ADK: variants seen among roughly 807,000 people sequenced by gnomAD.
The protein encoded by ADK is N6,N6-dimethyladenosine kinase.
ADK carries 24 observed loss-of-function variants against 44.7 expected under a neutral mutation model. The observed-to-expected ratio is 0.54, with a 90% CI of 0.39 to 0.76. The LOEUF (loss-of-function observed/expected upper bound fraction) is 0.76. Ranked by LOEUF, ADK falls within the 30% of genes least tolerant of loss-of-function variation. The pLI, the probability that ADK is intolerant of heterozygous loss-of-function variation, is 0.00. For missense variants in ADK, 321 were observed against 425.1 expected (o/e 0.76, Z 2.15); for synonymous variants, 128 against 142.6 (o/e 0.90, Z 0.73).
chr10:74,439,532 A>C (rs1845318539), intron 6 of ADK, among the ~76,000 whole-genome samples: 1 of 152,176 alleles, frequency 6.6e-6, no homozygotes, highest in African/African-American at 2.4e-5. Context: ...CATGATAAAG[A>C]GGCTTAGTTT....
intron 3 of ADK, among the ~76,000 whole-genome samples, chr10:74,300,550 T>G (rs1839994345): frequency 6.6e-6 from 1 of 152,028 alleles, no homozygotes. Flanking sequence ...CTAAGCTTTT[T>G]GTATTTTTAG....
At chr10:74,418,823 A>C (rs564176459) in intron 6 of ADK, among the ~76,000 whole-genome samples, 1 of 152,278 alleles carries the variant, frequency 6.6e-6, no homozygotes, top group African/African-American at 2.4e-5. Context: ...AACCTATTGT[A>C]GAACAATTTT....
At chr10:74,195,050 A>T (rs1159290978) in intron 1 of ADK, among the ~76,000 whole-genome samples, 1 of 150,932 alleles carries the variant, frequency 6.6e-6, no homozygotes, top group Admixed American at 6.7e-5. Flanking sequence ...GCAAGCCTAA[A>T]TTATGAGACA....
intron 3 of ADK, among the ~76,000 whole-genome samples, chr10:74,225,779 G>A (rs1196821783): frequency 6.6e-6 from 1 of 151,962 alleles, no homozygotes; most frequent in Admixed American, 6.6e-5. Context: ...TATATATATT[G>A]TCAAGAAATT....
intron 9 of ADK, among the ~76,000 whole-genome samples, chr10:74,657,367 G>T (rs932726787): frequency 2.0e-5 from 3 of 152,184 alleles, no homozygotes; most frequent in African/African-American, 7.2e-5. Flanking sequence ...GTTGTGCAAG[G>T]TTGAATTTAT....
chr10:74,304,362 G>A (rs1172061262), intron 3 of ADK, among the ~76,000 whole-genome samples: 1 of 152,054 alleles, frequency 6.6e-6, no homozygotes, highest in East Asian at 1.9e-4. Flanking sequence ...TACGTTCAAG[G>A]TAAATGAAAT....
chr10:74,507,439 C>T (rs919813105), intron 6 of ADK, among the ~76,000 whole-genome samples: 16 of 152,002 alleles, frequency 1.1e-4, no homozygotes, highest in African/African-American at 2.2e-4. Flanking sequence ...ATGGTAAAAC[C>T]CCATCTCTAC....
intron 7 of ADK, among the ~76,000 whole-genome samples, chr10:74,550,854 A>G (rs1850010084): frequency 1.3e-5 from 2 of 152,106 alleles, no homozygotes; most frequent in South Asian, 2.1e-4. Context: ...CTCAAATGTA[A>G]TTGAGTTACT....
intron 3 of ADK, among the ~76,000 whole-genome samples, chr10:74,300,307 CTTCT>C (rs59115011): frequency 0.52 from 31,537 of 60,982 alleles, 8,829 homozygotes; most frequent in Non-Finnish European, 0.64. Flanking sequence ...TCCTTCCTTC[CTTCT>C]TTCCTTCCTT....
intron 10 of ADK, among the ~76,000 whole-genome samples, chr10:74,706,553 T>A (rs577825824): frequency 2.0e-5 from 3 of 152,366 alleles, no homozygotes; most frequent in Admixed American, 6.5e-5. Context: ...ATCAGTTGGC[T>A]ATACAGAAGT....
chr10:74,176,339 C>T (rs1392394085), intron 1 of ADK: 3 of 555,088 alleles, frequency 5.4e-6, no homozygotes, highest in Non-Finnish European at 6.9e-6. Context: ...TTTTTTTCCC[C>T]CCACCTTTGC....
chr10:74,485,927 A>C (rs1473417198), intron 6 of ADK, among the ~76,000 whole-genome samples: 1 of 152,206 alleles, frequency 6.6e-6, no homozygotes, highest in African/African-American at 2.4e-5. Flanking sequence ...GTGTAAATTG[A>C]CAAACTCATT....
At chr10:74,485,463 AAAT>A (rs1847232581) in intron 6 of ADK, among the ~76,000 whole-genome samples, 2 of 44,310 alleles carry the variant, frequency 4.5e-5, no homozygotes, top group East Asian at 1.1e-3. Context: ...CCCTGTCTCA[AAAT>A]AAATAAATAA....
Position 74,297,675 on chromosome 10 carries a change from A to G in ADK, c.195-16992A>G, listed in dbSNP as rs369837735. Among the ~76,000 whole-genome samples, 35 of 152,342 alleles carry G rather than the reference A, an allele frequency of 2.3e-4. 1 individual carries two copies. Among genetic ancestry groups the G allele is most frequent in the Middle Eastern group, 6.8e-3 (2 of 294 alleles). On this transcript the variant is annotated intron_variant, in intron 3 of 10. Coordinates refer to ENST00000539909, the MANE Select transcript of ADK (RefSeq NM_006721.4). ...TGTTCTTTATGGCCTAGAAGTTAAG[A>G]AAGGTTTTTATATGTTTTAATGTTT...
intron 6 of ADK, among the ~76,000 whole-genome samples, chr10:74,522,367 A>G (rs1293967232): frequency 6.6e-6 from 1 of 152,176 alleles, no homozygotes; most frequent in Non-Finnish European, 1.5e-5. Flanking sequence ...TTTTATGGCC[A>G]GCTTTCACAC....
chr10:74,216,724 CA>C (rs66939717), intron 2 of ADK, among the ~76,000 whole-genome samples: 2 of 135,192 alleles, frequency 1.5e-5, no homozygotes, highest in African/African-American at 2.8e-5. Flanking sequence ...AACTCTGTCT[CA>C]AAAAAAAAAA....
Position 74,151,233 on chromosome 10 carries a change from A to G in ADK, c.-46A>G. The stretch of plus-strand genomic sequence containing the variant: ...AAGAGGGGGCGGGACCAGAGAGTGG[A>G]TGGCAGAGGTGGGCTGTAGAGCCAA... On this transcript the variant is annotated 5_prime_UTR_variant, in exon 1 of 11. An upstream start codon of the reference 5' UTR is lost. Coordinates refer to ENST00000539909, the MANE Select transcript of ADK (RefSeq NM_006721.4). 1 of 1,546,458 alleles carries G rather than the reference A, an allele frequency of 6.5e-7. No homozygotes were observed. Among genetic ancestry groups the G allele is most frequent in the Non-Finnish European group, 8.7e-7 (1 of 1,144,062 alleles).
rs1468091649 is a variant in ADK at position 74,663,246 on chromosome 10, ATAAT to A, written c.878-6936_878-6933del. On this transcript the variant is annotated intron_variant, in intron 9 of 10. Transcript: ENST00000539909. ...CAAGATGCTATCTCAAAAAAAAAAA[ATAAT>A]ATATATATATATATATATGTATCTC... is the stretch of plus-strand genomic sequence containing the variant. 3.4e-3 allele frequency among the ~76,000 whole-genome samples: 81 copies of A among 24,054 alleles called. 1 individual carries two copies. Among genetic ancestry groups the A allele is most frequent in the African/African-American group, 0.012 (80 of 6,936 alleles). 15.8% of individuals were successfully genotyped at this position (24,054 alleles called of 152,430 possible). A position where few individuals can be genotyped will look rare whatever the true frequency, so the allele number is the denominator to read the frequency against.
intron 3 of ADK, among the ~76,000 whole-genome samples, chr10:74,253,319 A>G (rs1271724652): frequency 1.3e-5 from 2 of 152,216 alleles, no homozygotes; most frequent in Non-Finnish European, 2.9e-5. Flanking sequence ...TGGTTTATGC[A>G]GAAATTTCTA....
Sources: gnomAD v4.1 joint callset for allele counts (sites outside exome capture counted in the v4.1 genomes callset) on GRCh38, gnomAD v4.1.1 for gene constraint, MANE v1.5 for transcripts, NCBI Gene and HGNC (gene_info 2026-07-23, HGNC 2026-07-21) for gene names.